Variants in UBXN7 observed in about 807,000 individuals in gnomAD.
UBXN7 encodes the protein UBX domain-containing protein 7.
A neutral mutation model predicts 58.0 loss-of-function variants in UBXN7; 9 were observed. The observed-to-expected ratio is 0.16, with a 90% CI of 0.09 to 0.27. The LOEUF (loss-of-function observed/expected upper bound fraction) is 0.27. UBXN7 is among the 10% of genes least tolerant of loss of function. The pLI is 1.00. For missense variants in UBXN7, 328 were observed against 599.6 expected (o/e 0.55, Z 4.73); for synonymous variants, 208 against 205.0 (o/e 1.01, Z -0.12).
At chr3:196,358,911 T>C (rs1354497904) in intron 10 of UBXN7, among the ~76,000 whole-genome samples, 1 of 151,838 alleles carries the variant, frequency 6.6e-6, no homozygotes, top group Non-Finnish European at 1.5e-5. Context: ...TCCTCCCACC[T>C]TGGCCTCCCA....
chr3:196,349,925 C>T lies in UBXN7; in HGVS notation c.*6760G>A, dbSNP rs1340516292. On this transcript the variant is annotated 3_prime_UTR_variant, in exon 11 of 11. Coordinates refer to ENST00000296328, the MANE Select transcript of UBXN7 (RefSeq NM_015562.2). ...TTGACTATTCTTCCCATTTGAAAACCCAAATGACCTTTAGAAGGGATATAA... is the reference window on the plus strand; with the variant it reads ...TTGACTATTCTTCCCATTTGAAAACTCAAATGACCTTTAGAAGGGATATAA... 6.6e-6 allele frequency: 1 copy of T among 152,098 alleles called. No individual in the cohort carries two copies. The highest frequency in any genetic ancestry group is 2.4e-5 in the African/African-American group (1 of 41,412). 9.4% of individuals were successfully genotyped at this position (152,098 alleles called of 1,614,324 possible). A position where few individuals can be genotyped will look rare whatever the true frequency, so the allele number is the denominator to read the frequency against.
chr3:196,391,361 T>C (rs1729577327), intron 5 of UBXN7, among the ~76,000 whole-genome samples: 1 of 152,188 alleles, frequency 6.6e-6, no homozygotes, highest in Non-Finnish European at 1.5e-5. Context: ...CCTTTAGGCA[T>C]ATCATGTAGA....
intron 5 of UBXN7, among the ~76,000 whole-genome samples, chr3:196,381,848 A>C (rs117130991): frequency 6.6e-6 from 1 of 152,246 alleles, no homozygotes; most frequent in East Asian, 1.9e-4. Context: ...CGCTTGCATA[A>C]GCTTCAATAG....
rs569674476 is a variant in UBXN7 at position 196,350,387 on chromosome 3, A to G, written c.*6298T>C. Reference sequence around the variant, plus strand: ...AGAATTCTCCTTAACTAGGGAGAAAATGAGCTATAAAAGTAAGTTTGCCTC... The same window carrying G: ...AGAATTCTCCTTAACTAGGGAGAAAGTGAGCTATAAAAGTAAGTTTGCCTC... On this transcript the variant is annotated 3_prime_UTR_variant, in exon 11 of 11. Coordinates refer to ENST00000296328, the MANE Select transcript of UBXN7 (RefSeq NM_015562.2). 6.6e-6 allele frequency: 1 copy of G among 152,342 alleles called. No individual in the cohort carries two copies. Among genetic ancestry groups the G allele is most frequent in the Non-Finnish European group, 1.5e-5 (1 of 68,036 alleles). 9.4% of individuals were successfully genotyped at this position (152,342 alleles called of 1,614,324 possible). A position where few individuals can be genotyped will look rare whatever the true frequency, so the allele number is the denominator to read the frequency against.
chr3:196,391,982 A>T, intron 4 of UBXN7, 57 bp from the exon 5 acceptor site: 1 of 742,000 alleles, frequency 1.3e-6, no homozygotes. Flanking sequence ...CACACTGAAA[A>T]AAAAAAAAAA....
chr3:196,416,748 T>C (rs1044255074), intron 1 of UBXN7, among the ~76,000 whole-genome samples: 4 of 152,220 alleles, frequency 2.6e-5, no homozygotes, highest in Non-Finnish European at 5.9e-5. Flanking sequence ...TTTAAAAATA[T>C]GAAGACTTAC....
At position 196,356,746 on chromosome 3, in the gene UBXN7, A is replaced by G. The variant is rs753448500; in HGVS notation, c.1409T>C (p.Ile470Thr). Residue 470 changes from isoleucine (I) to threonine (T), a missense_variant, in exon 11 of 11, where the codon ATT becomes ACT. Ile to Thr is a moderately conservative substitution (Grantham distance 89). Coordinates refer to ENST00000296328, the MANE Select transcript of UBXN7 (RefSeq NM_015562.2). ...ACAAAGGCCTGCCTCTTGCAATGTA[A>G]TATCATAGTCCAGATGAGATAATTT... Reference protein sequence around the residue: ...RRKLSHLDYDITLQEAGLCPQ... With the variant: ...RRKLSHLDYDTTLQEAGLCPQ... 1.9e-6 allele frequency: 3 copies of G among 1,612,916 alleles called. No homozygotes were observed. Among genetic ancestry groups the G allele is most frequent in the East Asian group, 2.2e-5 (1 of 44,874 alleles).
At chr3:196,363,956 GAA>G (rs2108828721) in intron 8 of UBXN7, among the ~76,000 whole-genome samples, 1 of 150,470 alleles carries the variant, frequency 6.6e-6, no homozygotes, top group East Asian at 1.9e-4. Flanking sequence ...ACAAAATCAA[GAA>G]AAGTTTATCT....
At chr3:196,372,120 G>T in intron 5 of UBXN7, 78 bp from the exon 6 acceptor site, 1 of 1,464,830 alleles carries the variant, frequency 6.8e-7, no homozygotes, top group East Asian at 2.4e-5. Flanking sequence ...TTCAGAGGTT[G>T]TTGTCTTTCA....
chr3:196,398,169 T>C (rs866482430), intron 3 of UBXN7, among the ~76,000 whole-genome samples: 18 of 152,358 alleles, frequency 1.2e-4, no homozygotes, highest in African/African-American at 4.3e-4. Flanking sequence ...AATAGCCACA[T>C]GAATGAGTTT....
At chr3:196,417,056 G>A (rs557964995) in intron 1 of UBXN7, among the ~76,000 whole-genome samples, 2 of 152,340 alleles carry the variant, frequency 1.3e-5, no homozygotes, top group East Asian at 3.9e-4. Context: ...GCTCACGCCT[G>A]TAATCCCAGA....
intron 5 of UBXN7, among the ~76,000 whole-genome samples, chr3:196,375,116 G>T (rs986646648): frequency 1.3e-5 from 2 of 150,084 alleles, no homozygotes; most frequent in Non-Finnish European, 3.0e-5. Flanking sequence ...ACAACATGAG[G>T]ACTATACTTA....
At chr3:196,358,028 G>A (rs778039456) in intron 10 of UBXN7, among the ~76,000 whole-genome samples, 3 of 151,936 alleles carry the variant, frequency 2.0e-5, no homozygotes, top group Non-Finnish European at 2.9e-5. Flanking sequence ...GAGCCAGATC[G>A]TGTCTACAAG....
rs941603512 is a variant in UBXN7, at chr3:196,349,235, A to G, written c.*7450T>C. The G allele has an allele frequency of 6.6e-6, 1 of 152,212 alleles. No homozygotes were observed. The highest frequency in any genetic ancestry group is 1.5e-5 in the Non-Finnish European group (1 of 68,044). The allele number at this position is 152,212 out of a possible 1,614,324, so 9.4% of individuals were successfully genotyped here. Reference sequence around the variant, plus strand: ...GCTGAAGGGACGAACCCAGGAAAGTAACAAGGCCCAAGACCCCACATGGGT... The same window carrying G: ...GCTGAAGGGACGAACCCAGGAAAGTGACAAGGCCCAAGACCCCACATGGGT... On this transcript the variant is annotated 3_prime_UTR_variant, in exon 11 of 11. Transcript: ENST00000296328.
chr3:196,381,562 A>C lies in UBXN7; in HGVS notation c.469-9520T>G, dbSNP rs529738467. The stretch of plus-strand genomic sequence containing the variant: ...AGAGCAGAAAAGATGAAAATTCTAA[A>C]AATCAGAGCGCCTCTTCTCCTCCAA... On this transcript the variant is annotated intron_variant, in intron 5 of 10. Transcript: ENST00000296328. 9.8e-5 allele frequency among the ~76,000 whole-genome samples: 15 copies of C among 152,358 alleles called. 1 individual carries two copies. The South Asian group carries it at 3.1e-3, about 32-fold the overall frequency.
Position 196,351,461 on chromosome 3 carries a change from T to A in UBXN7, c.*5224A>T, listed in dbSNP as rs1728211049. The A allele has an allele frequency of 6.6e-6, 1 of 150,936 alleles. No homozygotes were observed. Among genetic ancestry groups the A allele is most frequent in the Admixed American group, 6.7e-5 (1 of 15,014 alleles). 9.3% of individuals were successfully genotyped at this position (150,936 alleles called of 1,614,324 possible). On this transcript the variant is annotated 3_prime_UTR_variant, in exon 11 of 11. Transcript: ENST00000296328. Reference sequence around the variant, plus strand: ...AGTAAGATTAAGAGCAAGTTGTTGGTCAAATGATACCTGAACACAGAATAA... The same window carrying A: ...AGTAAGATTAAGAGCAAGTTGTTGGACAAATGATACCTGAACACAGAATAA...
At chr3:196,430,837 T>C (rs1338660423) in intron 1 of UBXN7, among the ~76,000 whole-genome samples, 3 of 152,330 alleles carry the variant, frequency 2.0e-5, no homozygotes, top group East Asian at 3.9e-4. Context: ...ATAGCAATGA[T>C]TTGTCAGACA....
At position 196,386,349 on chromosome 3, in the gene UBXN7, C is replaced by G; in HGVS notation, c.468+5464G>C. Among the ~76,000 whole-genome samples, 3 of 143,644 alleles carry G rather than the reference C, an allele frequency of 2.1e-5. No homozygotes were observed. The Middle Eastern group carries it at 0.011, about 524-fold the overall frequency. The allele number at this position is 143,644 out of a possible 152,430, so 94.2% of individuals were successfully genotyped here. A position where few individuals can be genotyped will look rare whatever the true frequency, so the allele number is the denominator to read the frequency against. On this transcript the variant is annotated intron_variant, in intron 5 of 10. Coordinates refer to ENST00000296328, the MANE Select transcript of UBXN7 (RefSeq NM_015562.2). ...TATGACCCTGCCACATCCCCCTCTC[C>G]GAGAAACACCCAAGAATGATTAATA...
chr3:196,366,958 G>A (rs188428669), intron 8 of UBXN7, among the ~76,000 whole-genome samples: 12 of 152,180 alleles, frequency 7.9e-5, no homozygotes, highest in Middle Eastern at 3.4e-3. Context: ...CGAGAAGGGC[G>A]GATCACTTGA....
Sources: gnomAD v4.1 joint callset for allele counts (sites outside exome capture counted in the v4.1 genomes callset) on GRCh38, gnomAD v4.1.1 for gene constraint, MANE v1.5 for transcripts, NCBI Gene and HGNC (gene_info 2026-07-23, HGNC 2026-07-21) for gene names.